Variants in METTL15 observed in about 807,000 individuals in gnomAD.
METTL15 encodes the protein methyltransferase 15, mitochondrial 12S rRNA N4-cytidine.
A neutral mutation model predicts 38.3 loss-of-function variants in METTL15; 34 were observed. The observed-to-expected ratio is 0.89, with a 90% CI of 0.68 to 1.18. The LOEUF is 1.18. Ranked by LOEUF, METTL15 falls within the 50% of genes most tolerant of loss-of-function variation. The pLI is 0.00. For missense variants in METTL15, 438 were observed against 498.4 expected, an observed-to-expected ratio of 0.88 and a Z score of 1.15; for synonymous variants, 162 against 170.9, an observed-to-expected ratio of 0.95 and a Z score of 0.41.
chr11:28,247,156 G>A (rs913503896), intron 4 of METTL15, among the ~76,000 whole-genome samples: 1 of 152,172 alleles, frequency 6.6e-6, no homozygotes, highest in Admixed American at 6.5e-5. Context: ...TTTGAATTGA[G>A]ATGTGCTGTG....
chr11:28,124,645 A>G (rs569844117), intron 3 of METTL15, among the ~76,000 whole-genome samples: 1 of 152,256 alleles, frequency 6.6e-6, no homozygotes, highest in South Asian at 2.1e-4. Flanking sequence ...ACTTGAAGAA[A>G]TGGAGTGTTA....
At position 28,489,597 on chromosome 11, in the gene METTL15, A is replaced by G. The variant is rs984724088; in HGVS notation, c.*425-36881A>G. Among the ~76,000 whole-genome samples the G allele has an allele frequency of 3.9e-5, 6 of 152,068 alleles. No homozygotes were observed. The East Asian group carries it at 7.7e-4, about 20-fold the overall frequency. ...GCCTTAGAAAGGGAGACTGAGTGCT[A>G]TGGAAGCCCAGAGAGAGAGAGAGAG... On this transcript the variant is annotated intron_variant and NMD_transcript_variant, in intron 6 of 7. Transcript: ENST00000532947.
chr11:28,466,621 T>C lies in METTL15; in HGVS notation c.*424+42257T>C, dbSNP rs564929965. ...GTCAACCCCAGCCTCACTCCTTCCG[T>C]CCGGCTAAGGTGCTGCGGCTCCCTC... On this transcript the variant is annotated intron_variant and NMD_transcript_variant, in intron 6 of 7. Transcript: ENST00000532947. Among the ~76,000 whole-genome samples, 53 of 152,308 alleles carry C rather than the reference T, an allele frequency of 3.5e-4. No individual in the cohort carries two copies. The South Asian group carries it at 0.011, about 32-fold the overall frequency.
At chr11:28,127,160 C>T (rs150281374) in intron 3 of METTL15, among the ~76,000 whole-genome samples, 1 of 152,002 alleles carries the variant, frequency 6.6e-6, no homozygotes, top group Non-Finnish European at 1.5e-5. Context: ...AAAGATAATT[C>T]TCTCTACACT....
At chr11:28,163,509 T>C in intron 3 of METTL15, 1 of 397,884 alleles carries the variant, frequency 2.5e-6, no homozygotes. Context: ...ATCTTTCTAA[T>C]AAGATGCTTC....
chr11:28,416,057 T>G (rs928789629), intron 5 of METTL15, among the ~76,000 whole-genome samples: 7 of 152,244 alleles, frequency 4.6e-5, no homozygotes, highest in African/African-American at 1.4e-4. Context: ...AATGTACCTC[T>G]GAAATTACCT....
chr11:28,253,450 GA>G (rs774043310), intron 4 of METTL15, among the ~76,000 whole-genome samples: 29 of 152,300 alleles, frequency 1.9e-4, no homozygotes, highest in Admixed American at 3.3e-4. Context: ...TTCTTTGAGT[GA>G]AAATCAATCT....
In METTL15 at chr11:28,148,787, T is replaced by G. The variant is rs113189957; in HGVS notation, c.270+35183T>G. 6.6e-4 allele frequency among the ~76,000 whole-genome samples: 100 copies of G among 152,084 alleles called. 1 individual carries two copies. Among genetic ancestry groups the G allele is most frequent in the African/African-American group, 2.3e-3 (96 of 41,534 alleles). On this transcript the variant is annotated intron_variant, in intron 3 of 6. Coordinates refer to ENST00000407364, the MANE Select transcript of METTL15 (RefSeq NM_001113528.2). ...TCCTTACCTATTGTATTTGTAGTCA[T>G]GGTCTATGCTTGTGGTGGTCAGTCC...
chr11:28,372,883 T>C (rs1361380284), intron 5 of METTL15, among the ~76,000 whole-genome samples: 4 of 148,108 alleles, frequency 2.7e-5, no homozygotes, highest in African/African-American at 5.0e-5. Context: ...GGTTTTTTGT[T>C]CTTGCGATAG....
chr11:28,376,311 T>C (rs552997795), intron 5 of METTL15, among the ~76,000 whole-genome samples: 6 of 152,268 alleles, frequency 3.9e-5, no homozygotes, highest in African/African-American at 1.4e-4. Flanking sequence ...TAAGTCTCTT[T>C]GTAGGTCTCA....
At chr11:28,521,559 A>G (rs1851765386) in intron 6 of METTL15, among the ~76,000 whole-genome samples, 1 of 152,074 alleles carries the variant, frequency 6.6e-6, no homozygotes, top group Admixed American at 6.5e-5. Flanking sequence ...CCGTGTGCTG[A>G]ATATTTGATG....
At chr11:28,361,780 G>A (rs1172706721) in intron 4 of METTL15, among the ~76,000 whole-genome samples, 1 of 152,122 alleles carries the variant, frequency 6.6e-6, no homozygotes, top group Non-Finnish European at 1.5e-5. Flanking sequence ...GGGTCCCGGA[G>A]CCTAGACATT....
At chr11:28,304,149 G>A (rs141952148) in intron 6 of METTL15, among the ~76,000 whole-genome samples, 11 of 152,150 alleles carry the variant, frequency 7.2e-5, no homozygotes, top group African/African-American at 2.7e-4. Context: ...TCTTGAGTGT[G>A]GACTTCCATT....
intron 4 of METTL15, among the ~76,000 whole-genome samples, chr11:28,217,147 A>G (rs1352072884): frequency 6.6e-6 from 1 of 152,196 alleles, no homozygotes; most frequent in African/African-American, 2.4e-5. Flanking sequence ...ACTGACTTCC[A>G]TAACGGTTGA....
intron 4 of METTL15, among the ~76,000 whole-genome samples, chr11:28,255,780 C>T (rs745906851): frequency 1.4e-4 from 21 of 152,094 alleles, no homozygotes; most frequent in Non-Finnish European, 2.9e-4. Context: ...CTTGGCTCAC[C>T]GCAACCTCCA....
rs749833472 is a variant in METTL15 at position 28,377,227 on chromosome 11, T to C, written c.*358+15191T>C. Among the ~76,000 whole-genome samples, 5 of 150,016 alleles carry C rather than the reference T, an allele frequency of 3.3e-5. No homozygotes were observed. In the South Asian group the frequency reaches 1.1e-3, roughly 32 times the overall value. Reference sequence around the variant, plus strand: ...GGCCTGCCTTGCTAGATTGGGGAAGTTCTCCTGGATAATATCCTGCAGAGT... The same window carrying C: ...GGCCTGCCTTGCTAGATTGGGGAAGCTCTCCTGGATAATATCCTGCAGAGT... On this transcript the variant is annotated intron_variant and NMD_transcript_variant, in intron 5 of 7. Transcript: ENST00000532947.
At chr11:28,308,336 C>T (rs1393120966) in intron 6 of METTL15, among the ~76,000 whole-genome samples, 1 of 152,026 alleles carries the variant, frequency 6.6e-6, no homozygotes, top group East Asian at 1.9e-4. Flanking sequence ...TCTAGCCATA[C>T]TTTTTTCCTC....
chr11:28,163,036 A>AGCAATCTAATTTTGGATTTGTTTGGG (rs1311265434), intron 3 of METTL15, among the ~76,000 whole-genome samples: 16 of 152,258 alleles, frequency 1.1e-4, no homozygotes, highest in African/African-American at 3.6e-4. Context: ...ATCAGAAATA[A>AGCAATCTAATTTTGGATTTGTTTGGG]GCAATCTAAT....
chr11:28,253,032 T>A (rs1854811925), intron 4 of METTL15, among the ~76,000 whole-genome samples: 1 of 152,160 alleles, frequency 6.6e-6, no homozygotes, highest in South Asian at 2.1e-4. Flanking sequence ...GCCTCCAGCC[T>A]TGGTCCTTGG....
Sources: gnomAD v4.1 joint callset for allele counts (sites outside exome capture counted in the v4.1 genomes callset) on GRCh38, gnomAD v4.1.1 for gene constraint, MANE v1.5 for transcripts, NCBI Gene and HGNC (gene_info 2026-07-23, HGNC 2026-07-21) for gene names.